LRRC9: variants seen among roughly 807,000 people sequenced by gnomAD.
LRRC9 encodes leucine rich repeat containing 9.
A neutral mutation model predicts 63.2 loss-of-function variants in LRRC9; 122 were observed. The observed-to-expected ratio is 1.93, with a 90% CI of 1.67 to 2.24. The LOEUF is 2.24. LRRC9 is among the 30% of genes most tolerant of loss of function. LRRC9 has a pLI of 0.00. For missense variants in LRRC9, 1,071 were observed against 627.7 expected (o/e 1.71, Z -7.55); for synonymous variants, 366 against 213.1 (o/e 1.72, Z -6.25).
intron 21 of LRRC9, among the ~76,000 whole-genome samples, chr14:60,005,363 C>T (rs991528336): frequency 6.6e-6 from 1 of 152,056 alleles, no homozygotes; most frequent in Non-Finnish European, 1.5e-5. Context: ...TTGCTTTGTA[C>T]ATACAATTAA....
rs71451089 is a variant in LRRC9 at position 59,989,927 on chromosome 14, C to CTT, written c.2211+4719_2211+4720dup. 5.6e-4 allele frequency among the ~76,000 whole-genome samples: 74 copies of CTT among 132,328 alleles called. No individual in the cohort carries two copies. The East Asian group carries it at 7.3e-3, about 13-fold the overall frequency. The allele number at this position is 132,328 out of a possible 152,430, so 86.8% of individuals were successfully genotyped here. A position where few individuals can be genotyped will look rare whatever the true frequency, so the allele number is the denominator to read the frequency against. ...ATCCTCCACTTTAGTCTAGACCTTC[C>CTT]TTTTTTTTTTTTTTTTTGAGACGGA... On this transcript the variant is annotated intron_variant, in intron 17 of 31. Transcript: ENST00000445360.
At position 59,958,428 on chromosome 14, in the gene LRRC9, G is replaced by A. The variant is rs1594873368; in HGVS notation, c.883-1390G>A. On this transcript the variant is annotated intron_variant, in intron 8 of 31. Transcript: ENST00000445360. The surrounding 1 kb of genome is among the most constrained non-coding windows in gnomAD (Gnocchi z 4.0). ...CTCCCAAACTCCTTAGCACTGTCAG[G>A]GAAAAACCACCTACTAAAGCCTCAG... 6.6e-6 allele frequency among the ~76,000 whole-genome samples: 1 copy of A among 152,286 alleles called. No homozygotes were observed. The highest frequency in any genetic ancestry group is 1.9e-4 in the East Asian group (1 of 5,182).
intron 28 of LRRC9, among the ~76,000 whole-genome samples, chr14:60,028,728 T>A (rs781183973): frequency 1.3e-5 from 2 of 152,178 alleles, no homozygotes; most frequent in Non-Finnish European, 1.5e-5. Flanking sequence ...CTGTTAGCTC[T>A]CCTTTTACCA....
chr14:59,946,013 A>T (rs887143143), intron 8 of LRRC9, among the ~76,000 whole-genome samples: 1 of 151,898 alleles, frequency 6.6e-6, no homozygotes, highest in African/African-American at 2.4e-5. Context: ...CAGCATAAAA[A>T]TGCTGAGTTT....
chr14:60,019,299 C>T (rs1595040820), intron 26 of LRRC9, 39 bp downstream of exon 26: 3 of 652,556 alleles, frequency 4.6e-6, no homozygotes, highest in Non-Finnish European at 8.3e-6. Context: ...CTAATTTTGG[C>T]TGGGAATTTT....
At chr14:59,948,118 T>A (rs899354325) in intron 8 of LRRC9, among the ~76,000 whole-genome samples, 2 of 108,196 alleles carry the variant, frequency 1.8e-5, no homozygotes, top group East Asian at 7.9e-4. Context: ...ATTTTCACGA[T>A]ATTGATTCTT....
chr14:60,063,437 TCAG>T (rs1894785249), exon 32 of LRRC9: 1 of 652,364 alleles, frequency 1.5e-6, no homozygotes, highest in South Asian at 1.7e-5. Context: ...CGGACAGTGG[TCAG>T]TTAAAAAAAA....
chr14:60,041,961 T>C (rs1423897840), intron 29 of LRRC9, among the ~76,000 whole-genome samples: 2 of 152,212 alleles, frequency 1.3e-5, no homozygotes, highest in Non-Finnish European at 2.9e-5. Context: ...TTAGTTTTCT[T>C]TCTAACGGTC....
At position 60,030,370 on chromosome 14, in the gene LRRC9, G is replaced by A. The variant is rs80041611; in HGVS notation, c.3922-1625G>A. On this transcript the variant is annotated intron_variant, in intron 28 of 31. Transcript: ENST00000445360. ...TAGATTTAGCTAATTGTTGTCTATCGTCTTGCTTCTAAAGGAAGAATCACA... is the reference window on the plus strand; with the variant it reads ...TAGATTTAGCTAATTGTTGTCTATCATCTTGCTTCTAAAGGAAGAATCACA... The A allele has an allele frequency of 1.8e-4, 27 of 151,990 alleles. 1 individual carries two copies. In the East Asian group the frequency reaches 4.1e-3, roughly 23 times the overall value. The allele number at this position is 151,990 out of a possible 1,614,324, so 9.4% of individuals were successfully genotyped here.
chr14:59,991,979 C>T (rs375291127), intron 17 of LRRC9, among the ~76,000 whole-genome samples: 47 of 152,216 alleles, frequency 3.1e-4, no homozygotes, highest in East Asian at 2.3e-3. Flanking sequence ...TCTCCCAGCA[C>T]GCAGCTGGAG....
Position 60,060,244 on chromosome 14 carries a change from C to T in LRRC9, c.4276+2222C>T, listed in dbSNP as rs186765602. ...TTTAGCTGACTGTTGAGACCCAGTGCTGAGAAACAGATTGCTTTCCAAAGA... is the reference window on the plus strand; with the variant it reads ...TTTAGCTGACTGTTGAGACCCAGTGTTGAGAAACAGATTGCTTTCCAAAGA... On this transcript the variant is annotated intron_variant, in intron 31 of 31. Coordinates refer to ENST00000445360, the Ensembl canonical transcript of LRRC9. The surrounding 1 kb of genome is among the most constrained non-coding windows in gnomAD (Gnocchi z 4.0). 6.6e-6 allele frequency among the ~76,000 whole-genome samples: 1 copy of T among 152,276 alleles called. No individual in the cohort carries two copies. The highest frequency in any genetic ancestry group is 1.9e-4 in the East Asian group (1 of 5,184).
chr14:60,052,020 CAATGT>C (rs1316431630), intron 29 of LRRC9, among the ~76,000 whole-genome samples: 5 of 152,176 alleles, frequency 3.3e-5, no homozygotes, highest in African/African-American at 1.2e-4. Flanking sequence ...TAGTCAGTCC[CAATGT>C]GAGAACCTGG....
chr14:60,055,906 G>A (rs1364699194), intron 30 of LRRC9, among the ~76,000 whole-genome samples: 10 of 140,660 alleles, frequency 7.1e-5, no homozygotes, highest in Admixed American at 7.2e-5. Context: ...CCCTGTCTTG[G>A]AAAAAAAAAA....
intron 30 of LRRC9, among the ~76,000 whole-genome samples, chr14:60,056,659 T>TA (rs1157860616): frequency 6.6e-6 from 1 of 152,178 alleles, no homozygotes; most frequent in Non-Finnish European, 1.5e-5. Flanking sequence ...TATTATTTTT[T>TA]ATCTATATAT....
intron 15 of LRRC9, among the ~76,000 whole-genome samples, chr14:59,980,207 G>T (rs1886780936): frequency 6.6e-6 from 1 of 152,038 alleles, no homozygotes; most frequent in African/African-American, 2.4e-5. Flanking sequence ...GAGGTAGAAA[G>T]GTGGTCAATT....
chr14:60,045,869 G>A (rs553062108), intron 29 of LRRC9, among the ~76,000 whole-genome samples: 27 of 152,080 alleles, frequency 1.8e-4, no homozygotes, highest in Non-Finnish European at 2.6e-4. Context: ...CACAATGTTG[G>A]AACAAATTTA....
intron 17 of LRRC9, among the ~76,000 whole-genome samples, chr14:59,996,530 A>G (rs1385470673): frequency 6.6e-6 from 1 of 152,196 alleles, no homozygotes; most frequent in African/African-American, 2.4e-5. Context: ...GATTTTTTAC[A>G]AACAAGTAAG....
intron 16 of LRRC9, among the ~76,000 whole-genome samples, chr14:59,983,993 T>A (rs527454528): frequency 3.9e-5 from 6 of 152,332 alleles, no homozygotes; most frequent in African/African-American, 1.4e-4. Flanking sequence ...TGCCTAAGTC[T>A]GCTAAGGCAC....
intron 17 of LRRC9, among the ~76,000 whole-genome samples, chr14:59,991,870 G>A (rs900419535): frequency 1.3e-5 from 2 of 152,334 alleles, no homozygotes; most frequent in Admixed American, 1.3e-4. Flanking sequence ...TGCCTCTGTA[G>A]ACTCCACCTC....
Sources: gnomAD v4.1 joint callset for allele counts (sites outside exome capture counted in the v4.1 genomes callset) on GRCh38, gnomAD v4.1.1 for gene constraint, Gnocchi (gnomAD v3.1) non-coding constraint, MANE v1.5 for transcripts, NCBI Gene and HGNC (gene_info 2026-07-23, HGNC 2026-07-21) for gene names.